The following SGCZ variants were observed in gnomAD, a reference collection of about 807,000 sequenced individuals.
The protein encoded by SGCZ is sarcoglycan zeta, also known as zeta-sarcoglycan.
SGCZ carries 40 observed loss-of-function variants against 41.3 expected under a neutral mutation model. That is an observed-to-expected ratio of 0.97 (90% CI 0.75 to 1.26). SGCZ has a LOEUF of 1.26. SGCZ is among the 50% of genes most tolerant of loss of function. SGCZ has a pLI of 0.00. For synonymous variants in SGCZ, 206 were observed against 137.5 expected (o/e 1.50, Z -3.49); for missense variants, 552 against 369.8 (o/e 1.49, Z -4.04).
chr8:14,414,224 TAGAG>T (rs1373301791), intron 2 of SGCZ, among the ~76,000 whole-genome samples: 1 of 151,620 alleles, frequency 6.6e-6, no homozygotes, highest in African/African-American at 2.4e-5. Flanking sequence ...ACGCACACGC[TAGAG>T]AGAGACATCT....
chr8:14,269,890 T>C (rs903115201), intron 3 of SGCZ, among the ~76,000 whole-genome samples: 4 of 152,156 alleles, frequency 2.6e-5, no homozygotes, highest in African/African-American at 9.7e-5. Context: ...GTTTATTTGT[T>C]ATGTAAATAT....
chr8:15,166,656 T>C (rs1454865069), intron 1 of SGCZ, among the ~76,000 whole-genome samples: 2 of 152,232 alleles, frequency 1.3e-5, no homozygotes, highest in African/African-American at 4.8e-5. Flanking sequence ...CTATCAATCA[T>C]AATTAAGGTT....
intron 3 of SGCZ, among the ~76,000 whole-genome samples, chr8:14,274,691 C>A (rs999153832): frequency 5.9e-5 from 9 of 151,962 alleles, no homozygotes; most frequent in African/African-American, 2.2e-4. Flanking sequence ...CTCAAATGTG[C>A]CCTTTCTTCA....
intron 2 of SGCZ, among the ~76,000 whole-genome samples, chr8:14,387,752 A>T (rs1026222795): frequency 3.3e-5 from 5 of 151,976 alleles, no homozygotes; most frequent in Admixed American, 6.6e-5. Context: ...TAATTTTATT[A>T]TTGTTATTTA....
chr8:15,048,470 G>A (rs956490945), intron 1 of SGCZ, among the ~76,000 whole-genome samples: 2 of 152,026 alleles, frequency 1.3e-5, no homozygotes, highest in African/African-American at 4.8e-5. Flanking sequence ...AAAATAGCTA[G>A]AATAGAGGAT....
At chr8:15,069,943 G>GAC (rs370137866) in intron 1 of SGCZ, among the ~76,000 whole-genome samples, 38 of 150,272 alleles carry the variant, frequency 2.5e-4, no homozygotes, top group Middle Eastern at 3.4e-3. Flanking sequence ...CACACACAAA[G>GAC]ACACACACAC....
intron 2 of SGCZ, among the ~76,000 whole-genome samples, chr8:14,325,801 C>T (rs1802083706): frequency 7.5e-6 from 1 of 133,228 alleles, no homozygotes; most frequent in Non-Finnish European, 1.6e-5. Flanking sequence ...TATCAACCAG[C>T]ACATCCACAG....
chr8:15,174,925 G>C (rs1397835344), intron 1 of SGCZ, among the ~76,000 whole-genome samples: 7 of 151,144 alleles, frequency 4.6e-5, no homozygotes, highest in African/African-American at 1.7e-4. Context: ...AACTGTCATG[G>C]AAAACAGTGT....
chr8:14,162,167 T>C (rs1430667209), intron 5 of SGCZ, among the ~76,000 whole-genome samples: 1 of 152,096 alleles, frequency 6.6e-6, no homozygotes, highest in Non-Finnish European at 1.5e-5. Context: ...GCTGGAACAA[T>C]TATGAGACAG....
At chr8:14,310,672 G>T (rs1179291826) in intron 3 of SGCZ, among the ~76,000 whole-genome samples, 1 of 152,060 alleles carries the variant, frequency 6.6e-6, no homozygotes, top group Non-Finnish European at 1.5e-5. Context: ...AATGTGTACA[G>T]TGAATTGTCT....
intron 7 of SGCZ, among the ~76,000 whole-genome samples, chr8:14,094,013 C>T (rs572386248): frequency 6.6e-6 from 1 of 152,080 alleles, no homozygotes; most frequent in South Asian, 2.1e-4. Context: ...TACATGATGC[C>T]TTTTCTTCAC....
chr8:14,508,359 CTA>C (rs1422911306), intron 2 of SGCZ, among the ~76,000 whole-genome samples: 2 of 152,046 alleles, frequency 1.3e-5, no homozygotes, highest in Non-Finnish European at 2.9e-5. Flanking sequence ...TTAAAAAACT[CTA>C]AAAATATTGT....
chr8:14,621,272 C>A (rs1225712534), intron 1 of SGCZ, among the ~76,000 whole-genome samples: 1 of 121,462 alleles, frequency 8.2e-6, no homozygotes, highest in Non-Finnish European at 1.6e-5. Flanking sequence ...GAACATCACA[C>A]ACTGGGGCCT....
chr8:14,669,700 AC>A (rs1808040772), intron 1 of SGCZ, among the ~76,000 whole-genome samples: 1 of 75,158 alleles, frequency 1.3e-5, no homozygotes, highest in Admixed American at 1.7e-4. Flanking sequence ...GTATACACAC[AC>A]ACACACACAC....
In SGCZ at chr8:14,912,878, G is replaced by T. The variant is rs148583590; in HGVS notation, c.39+324707C>A. On this transcript the variant is annotated intron_variant, in intron 1 of 7. Coordinates refer to ENST00000382080, the MANE Select transcript of SGCZ (RefSeq NM_139167.4). ...AAGCATGTCTTCTTGCAACTGATCT[G>T]CTTCCAATTCTTAACTGGAAAAAGA... 4.9e-4 allele frequency among the ~76,000 whole-genome samples: 75 copies of T among 152,156 alleles called. 1 individual carries two copies. The East Asian group carries it at 0.014, about 29-fold the overall frequency.
chr8:14,925,342 C>G (rs980745590), intron 1 of SGCZ, among the ~76,000 whole-genome samples: 4 of 152,060 alleles, frequency 2.6e-5, no homozygotes, highest in Non-Finnish European at 4.4e-5. Flanking sequence ...ATGTTAATTT[C>G]TTAATATTTT....
In SGCZ at chr8:14,439,666, G is replaced by A. The variant is rs552892213; in HGVS notation, c.234+115066C>T. On this transcript the variant is annotated intron_variant, in intron 2 of 7. Coordinates refer to ENST00000382080, the MANE Select transcript of SGCZ (RefSeq NM_139167.4). The stretch of plus-strand genomic sequence containing the variant: ...AATATAATCCGTAGTATAAACCAAA[G>A]AAGAAAAATTACATTATCATATGAA... Among the ~76,000 whole-genome samples the A allele has an allele frequency of 1.3e-4, 20 of 151,860 alleles. 1 individual carries two copies. Among genetic ancestry groups the A allele is most frequent in the African/African-American group, 4.8e-4 (20 of 41,498 alleles).
chr8:14,108,087 T>G, intron 6 of SGCZ, 76 bp downstream of exon 6: 1 of 1,229,906 alleles, frequency 8.1e-7, no homozygotes, highest in Non-Finnish European at 1.2e-6. Context: ...TCTAGTTGTC[T>G]ATTTTAGTTC....
chr8:14,317,665 A>G (rs888276942), intron 3 of SGCZ, among the ~76,000 whole-genome samples: 1 of 151,962 alleles, frequency 6.6e-6, no homozygotes, highest in African/African-American at 2.4e-5. Flanking sequence ...GAACAACACG[A>G]AAGAGGTTTA....
Sources: allele counts gnomAD v4.1 joint callset (sites outside exome capture counted in the v4.1 genomes callset), GRCh38; gene constraint gnomAD v4.1.1; transcripts MANE v1.5; gene names NCBI Gene and HGNC (gene_info 2026-07-23, HGNC 2026-07-21).